The following LCT variants were observed in gnomAD, a reference collection of about 807,000 sequenced individuals.
LCT encodes lactase.
Under a neutral mutation model 173.0 loss-of-function variants are expected in LCT, and 90 were observed. The observed-to-expected ratio is 0.52, with a 90% CI of 0.44 to 0.62. LCT has a LOEUF of 0.62. Ranked by LOEUF, LCT falls within the 20% of genes least tolerant of loss-of-function variation. The pLI, the probability that LCT is intolerant of heterozygous loss-of-function variation, is 0.00. For missense variants in LCT, 1,864 were observed against 2,431.4 expected (o/e 0.77, Z 4.91); for synonymous variants, 853 against 957.6 (o/e 0.89, Z 2.02).
intron 9 of LCT, among the ~76,000 whole-genome samples, chr2:135,805,372 A>G (rs552577494): frequency 6.6e-6 from 1 of 152,166 alleles, no homozygotes; most frequent in East Asian, 1.9e-4. Flanking sequence ...CAGTCTCGGA[A>G]CTCCCCTGGC....
chr2:135,833,259 G>A (rs2077954289), intron 1 of LCT, 69 bp from the exon 2 acceptor site: 2 of 1,069,256 alleles, frequency 1.9e-6, no homozygotes, highest in South Asian at 1.3e-5. Context: ...GAAACCACTG[G>A]GGGATTCATT....
intron 3 of LCT, among the ~76,000 whole-genome samples, chr2:135,825,076 T>G (rs1429285440): frequency 6.6e-6 from 1 of 152,190 alleles, no homozygotes; most frequent in Non-Finnish European, 1.5e-5. Flanking sequence ...TCTTCTTATT[T>G]CTAGCCATTT....
At position 135,836,963 on chromosome 2, in the gene LCT, G is replaced by C. The variant is rs201372134; in HGVS notation, c.207C>G (p.Pro69=). ...KDMYVCHQPL[P]TFLPEYFSSL... The stretch of plus-strand genomic sequence containing the variant: ...TGCTGAAGTATTCTGGCAGGAAAGT[G>C]GGCAGTGGCTGGTGACAAACATACA... Residue 69 remains proline, a synonymous_variant, in exon 1 of 17, where the codon CCC becomes CCG. Transcript: ENST00000264162. 12 of 1,614,132 alleles carry C rather than the reference G, an allele frequency of 7.4e-6. No individual in the cohort carries two copies.
intron 11 of LCT, among the ~76,000 whole-genome samples, chr2:135,802,772 A>C (rs751828516): frequency 2.0e-5 from 3 of 152,196 alleles, no homozygotes; most frequent in Admixed American, 6.5e-5. Flanking sequence ...GCTAGATAAG[A>C]AGATGAAGTT....
chr2:135,800,458 C>G (rs997077510), intron 12 of LCT, 149 bp downstream of exon 12: 1 of 744,290 alleles, frequency 1.3e-6, no homozygotes, highest in Non-Finnish European at 2.4e-6. Flanking sequence ...CTCCTAGCCT[C>G]AAGAAATCCT....
intron 10 of LCT, 72 bp downstream of exon 10, chr2:135,804,695 T>C: frequency 1.4e-6 from 2 of 1,385,258 alleles, no homozygotes; most frequent in Non-Finnish European, 2.0e-6. Context: ...GTTTACATGA[T>C]AAATGTGCTC....
rs758731636 is a variant in LCT, at chr2:135,809,588, C to A, written c.2759G>T (p.Gly920Val). The change falls in exon 8 of 17, where the codon GGC becomes GTC. Residue 920 changes from glycine (G) to valine (V), a missense_variant. Gly to Val is a moderately radical substitution (Grantham distance 109, BLOSUM62 -3). Transcript: ENST00000264162. The surrounding 1 kb of genome is among the most constrained non-coding windows in gnomAD (Gnocchi z 5.5). ...GVSSSAYQIE[G>V]AWDADGKGPS... ...GCCTTTGCCATCGGCATCCCACGCG[C>A]CTTCAATCTGATAAGCGGAAGAGGA... 2.5e-6 allele frequency: 4 copies of A among 1,614,242 alleles called. No individual in the cohort carries two copies. The highest frequency in any genetic ancestry group is 3.4e-6 in the Non-Finnish European group (4 of 1,180,058).
rs149620045 is a variant in LCT, at chr2:135,806,552, AGTACCC to A, written c.4173+570_4173+575del. 5.9e-3 allele frequency among the ~76,000 whole-genome samples: 893 copies of A among 152,290 alleles called. 9 individuals are homozygous for A. The highest frequency in any genetic ancestry group is 0.02 in the African/African-American group (833 of 41,562). On this transcript the variant is annotated intron_variant, in intron 9 of 16. Transcript: ENST00000264162. Reference sequence around the variant, plus strand: ...AGTCCAGCAGGCTCCATTCATGGTGAGTACCCTGTCCAGCTTTTATGCCATATTTTC... The same window carrying A: ...AGTCCAGCAGGCTCCATTCATGGTGATGTCCAGCTTTTATGCCATATTTTC...
intron 14 of LCT, 157 bp downstream of exon 14, chr2:135,794,484 T>G: frequency 1.3e-6 from 1 of 766,516 alleles, no homozygotes; most frequent in Non-Finnish European, 2.2e-6. Flanking sequence ...GCTGGAGATT[T>G]CCTTGGGATC....
intron 3 of LCT, among the ~76,000 whole-genome samples, chr2:135,826,988 A>AT (rs201025634): frequency 2.6e-4 from 39 of 150,666 alleles, no homozygotes; most frequent in African/African-American, 8.8e-4. Flanking sequence ...CTTTTTCTTT[A>AT]TTTTTTTTTG....
At chr2:135,827,625 G>T (rs1211922322) in intron 3 of LCT, among the ~76,000 whole-genome samples, 1 of 152,182 alleles carries the variant, frequency 6.6e-6, no homozygotes, top group Non-Finnish European at 1.5e-5. Context: ...AGATTATCAG[G>T]CATTTGATTC....
Position 135,812,345 on chromosome 2 carries a change from G to A in LCT, c.2319C>T (p.Asp773=). 6.2e-7 allele frequency: 1 copy of A among 1,613,822 alleles called. No homozygotes were observed. The highest frequency in any genetic ancestry group is 1.1e-5 in the South Asian group (1 of 91,084). Residue 773 remains aspartate, a synonymous_variant, in exon 7 of 17, where the codon GAC becomes GAT. Coordinates refer to ENST00000264162, the MANE Select transcript of LCT (RefSeq NM_002299.4). ...ENLFDDSLRV[D]YFNQYINEVL... Reference sequence around the variant, plus strand: ...CCTCATTGATATATTGATTGAAGTAGTCTACTCTTAAGGAATCATCAAAGA... The same window carrying A: ...CCTCATTGATATATTGATTGAAGTAATCTACTCTTAAGGAATCATCAAAGA...
At chr2:135,812,159 G>C in intron 7 of LCT, 152 bp downstream of exon 7, 5 of 732,394 alleles carry the variant, frequency 6.8e-6, no homozygotes, top group South Asian at 5.9e-5. Flanking sequence ...TTGGGAAAGA[G>C]AGTTAGGGAG....
Position 135,808,662 on chromosome 2 carries a change from C to T in LCT, c.3685G>A (p.Asp1229Asn), listed in dbSNP as rs370971797. 2 of 1,614,162 alleles carry T rather than the reference C, an allele frequency of 1.2e-6. No homozygotes were observed. Among genetic ancestry groups the T allele is most frequent in the Non-Finnish European group, 1.7e-6 (2 of 1,180,018 alleles). The stretch of plus-strand genomic sequence containing the variant: ...TCCTCCTCCTCAGCCATCTCCTGGT[C>T]GTCTTCGTAGGAGGGTGGGTTTAGC... ...PRLNPPSYED[D>N]QEMAEEEDPS... Residue 1229 changes from aspartate (D) to asparagine (N), a missense_variant, in exon 8 of 17, where the codon GAC becomes AAC. Asp to Asn is a conservative substitution (Grantham distance 23). Transcript: ENST00000264162.
Position 135,808,471 on chromosome 2 carries a change from G to A in LCT, c.3876C>T (p.His1292=), listed in dbSNP as rs759244800. 1 of 1,613,992 alleles carries A rather than the reference G, an allele frequency of 6.2e-7. No individual in the cohort carries two copies. The highest frequency in any genetic ancestry group is 1.7e-5 in the Admixed American group (1 of 60,030). Residue 1292 remains histidine, a synonymous_variant, in exon 8 of 17, where the codon CAC becomes CAT. Coordinates refer to ENST00000264162, the MANE Select transcript of LCT (RefSeq NM_002299.4). The stretch of plus-strand genomic sequence containing the variant: ...TCAAAGCCTCATTGATGTAGGTTTT[G>A]TGGTAAAATATCCTATCAGTATCCT... ...NTEDTDRIFY[H]KTYINEALKA...
chr2:135,797,285 G>A (rs2077589690), intron 13 of LCT, among the ~76,000 whole-genome samples: 1 of 152,124 alleles, frequency 6.6e-6, no homozygotes, highest in East Asian at 1.9e-4. Flanking sequence ...GGACTATATG[G>A]GGGCGTCTAG....
chr2:135,824,080 T>G, intron 3 of LCT, 77 bp from the exon 4 acceptor site: 1 of 950,614 alleles, frequency 1.1e-6, no homozygotes, highest in South Asian at 1.3e-5. Flanking sequence ...AGTTTCAAGA[T>G]GAGAAGCTGT....
intron 9 of LCT, 24 bp downstream of exon 9, chr2:135,807,104 G>T: frequency 6.2e-7 from 1 of 1,613,668 alleles, no homozygotes; most frequent in Non-Finnish European, 8.5e-7. Context: ...AGTCACTGGT[G>T]TCCCACCATC....
Position 135,805,035 on chromosome 2 carries a change from T to C in LCT, c.4196A>G (p.Asp1399Gly). ...AYQIEGAWRA[D>G]GKGLSIWDTF... Reference sequence around the variant, plus strand: ...GTCCCAAATGCTGAGTCCTTTGCCATCTGCTCTCCACGCACCTTCAATCTC... The same window carrying C: ...GTCCCAAATGCTGAGTCCTTTGCCACCTGCTCTCCACGCACCTTCAATCTC... The change falls in exon 10 of 17, where the codon GAT (aspartate) becomes GGT (glycine). Residue 1399 changes from aspartate to glycine, a missense_variant. Transcript: ENST00000264162. 5 of 1,614,220 alleles carry C rather than the reference T, an allele frequency of 3.1e-6. No individual in the cohort carries two copies. The highest frequency in any genetic ancestry group is 4.2e-6 in the Non-Finnish European group (5 of 1,180,040).
Sources: gnomAD v4.1 joint callset for allele counts (sites outside exome capture counted in the v4.1 genomes callset) on GRCh38, gnomAD v4.1.1 for gene constraint, Gnocchi (gnomAD v3.1) non-coding constraint, MANE v1.5 for transcripts, NCBI Gene and HGNC (gene_info 2026-07-23, HGNC 2026-07-21) for gene names.